The following IMMP2L variants were observed in gnomAD, a reference collection of about 807,000 sequenced individuals.
IMMP2L encodes the protein mitochondrial inner membrane protease subunit 2.
In IMMP2L, 18 loss-of-function variants were observed where a neutral mutation model predicts 19.3. The observed-to-expected ratio is 0.93, with a 90% CI of 0.64 to 1.38. IMMP2L has a LOEUF of 1.38. Among genes scored for constraint, IMMP2L ranks in the 40% most tolerant of loss-of-function variants. IMMP2L has a pLI of 0.00. For synonymous variants in IMMP2L, 76 were observed against 73.0 expected, an observed-to-expected ratio of 1.04 and a Z score of -0.21; for missense variants, 233 against 218.2, an observed-to-expected ratio of 1.07 and a Z score of -0.43.
chr7:111,029,392 T>C (rs985519988), intron 3 of IMMP2L, among the ~76,000 whole-genome samples: 5 of 152,148 alleles, frequency 3.3e-5, no homozygotes, highest in South Asian at 2.1e-4. Flanking sequence ...TCTCTCCATA[T>C]TGGAGGTGAA....
intron 3 of IMMP2L, among the ~76,000 whole-genome samples, chr7:111,083,972 T>G (rs914293486): frequency 1.5e-4 from 23 of 151,950 alleles, no homozygotes; most frequent in African/African-American, 4.8e-4. Context: ...ATAATTGAAC[T>G]GAGGAATGAA....
intron 5 of IMMP2L, among the ~76,000 whole-genome samples, chr7:110,875,745 A>C (rs1168119913): frequency 1.3e-5 from 2 of 152,140 alleles, no homozygotes; most frequent in Non-Finnish European, 2.9e-5. Context: ...TCAACTGTAA[A>C]TAAAATCACT....
chr7:110,807,962 C>T (rs1801743929), intron 5 of IMMP2L, among the ~76,000 whole-genome samples: 1 of 151,892 alleles, frequency 6.6e-6, no homozygotes. Flanking sequence ...CTACACACAG[C>T]CTGAAGGTTT....
intron 4 of IMMP2L, among the ~76,000 whole-genome samples, chr7:110,904,693 C>T (rs1206843576): frequency 1.3e-5 from 2 of 152,168 alleles, no homozygotes; most frequent in Admixed American, 1.3e-4. Flanking sequence ...TCAACTCATC[C>T]CCTTGTTTTA....
intron 5 of IMMP2L, among the ~76,000 whole-genome samples, chr7:110,768,045 G>A (rs1325842030): frequency 1.3e-5 from 2 of 152,124 alleles, no homozygotes; most frequent in African/African-American, 4.8e-5. Flanking sequence ...ATACAGAAAA[G>A]TAGAAAACAG....
chr7:110,786,189 T>A (rs1800065846), intron 5 of IMMP2L, among the ~76,000 whole-genome samples: 1 of 151,994 alleles, frequency 6.6e-6, no homozygotes, highest in Non-Finnish European at 1.5e-5. Flanking sequence ...TAGTCTAATG[T>A]TCCCAGAATT....
chr7:111,537,638 C>T (rs1848015080), intron 1 of IMMP2L, among the ~76,000 whole-genome samples: 1 of 147,880 alleles, frequency 6.8e-6, no homozygotes, highest in African/African-American at 2.5e-5. Flanking sequence ...CAGGCACAAG[C>T]AATCCTCCCA....
At chr7:110,808,518 G>A (rs1333256807) in intron 5 of IMMP2L, among the ~76,000 whole-genome samples, 1 of 152,000 alleles carries the variant, frequency 6.6e-6, no homozygotes, top group East Asian at 1.9e-4. Context: ...AAAACATATG[G>A]CACAAGATCC....
chr7:110,921,322 A>G (rs1814250442), intron 4 of IMMP2L, among the ~76,000 whole-genome samples: 1 of 152,166 alleles, frequency 6.6e-6, no homozygotes, highest in Admixed American at 6.6e-5. Flanking sequence ...GAGGTTTCTC[A>G]AGACAGTGGC....
At chr7:111,484,390 C>A (rs998255845) in intron 3 of IMMP2L, among the ~76,000 whole-genome samples, 3 of 152,088 alleles carry the variant, frequency 2.0e-5, no homozygotes, top group African/African-American at 7.2e-5. Context: ...ATTCTGAATA[C>A]ATTGTCTCAA....
Position 111,450,211 on chromosome 7 carries a change from T to C in IMMP2L, c.239+37027A>G, listed in dbSNP as rs578114090. On this transcript the variant is annotated intron_variant, in intron 3 of 5. Coordinates refer to ENST00000405709, the MANE Select transcript of IMMP2L (RefSeq NM_032549.4). Reference sequence around the variant, plus strand: ...TCTTCACAGAATTGGAAAAAACTACTTTAAAGTTCATATGGAACCAAAAAA... The same window carrying C: ...TCTTCACAGAATTGGAAAAAACTACCTTAAAGTTCATATGGAACCAAAAAA... Among the ~76,000 whole-genome samples the C allele has an allele frequency of 3.0e-3, 456 of 150,682 alleles. 2 individuals are homozygous for C. The highest frequency in any genetic ancestry group is 0.011 in the African/African-American group (435 of 40,398).
chr7:111,359,582 G>C (rs946665747), intron 3 of IMMP2L, among the ~76,000 whole-genome samples: 1 of 151,952 alleles, frequency 6.6e-6, no homozygotes, highest in African/African-American at 2.4e-5. Context: ...AATTACAGAC[G>C]TAAGTCACCG....
intron 3 of IMMP2L, among the ~76,000 whole-genome samples, chr7:111,439,726 C>A (rs1837533526): frequency 6.6e-6 from 1 of 151,826 alleles, no homozygotes; most frequent in Admixed American, 6.6e-5. Flanking sequence ...TTTCTTAAAA[C>A]AAGACAATGA....
chr7:111,174,395 T>C (rs1452984895), intron 3 of IMMP2L, among the ~76,000 whole-genome samples: 1 of 151,654 alleles, frequency 6.6e-6, no homozygotes, highest in Non-Finnish European at 1.5e-5. Flanking sequence ...CATATTACCA[T>C]ACATACACAC....
chr7:110,974,974 T>C (rs1266361443), intron 3 of IMMP2L, among the ~76,000 whole-genome samples: 1 of 152,112 alleles, frequency 6.6e-6, no homozygotes, highest in Non-Finnish European at 1.5e-5. Context: ...TTTAAAAATA[T>C]AAATGCAATG....
At chr7:111,434,456 A>G (rs1277212940) in intron 3 of IMMP2L, among the ~76,000 whole-genome samples, 2 of 110,946 alleles carry the variant, frequency 1.8e-5, no homozygotes, top group East Asian at 2.0e-4. Context: ...TTTCCACAAG[A>G]AAAAAAAAAA....
chr7:110,873,931 G>A (rs898900345), intron 5 of IMMP2L, among the ~76,000 whole-genome samples: 3 of 152,040 alleles, frequency 2.0e-5, no homozygotes, highest in Admixed American at 2.0e-4. Context: ...CTTAAGGAGG[G>A]GCTACTACTT....
At chr7:111,437,340 G>A (rs1837277635) in intron 3 of IMMP2L, among the ~76,000 whole-genome samples, 1 of 151,692 alleles carries the variant, frequency 6.6e-6, no homozygotes, top group African/African-American at 2.4e-5. Context: ...AGCTACTCAG[G>A]AGGCTGAGGC....
chr7:110,886,286 T>C (rs1350366119), intron 5 of IMMP2L, among the ~76,000 whole-genome samples: 1 of 152,048 alleles, frequency 6.6e-6, no homozygotes, highest in Non-Finnish European at 1.5e-5. Context: ...CTACAAAGTA[T>C]TCCCGTGGGA....
Sources: allele counts gnomAD v4.1 joint callset (sites outside exome capture counted in the v4.1 genomes callset), GRCh38; gene constraint gnomAD v4.1.1; transcripts MANE v1.5; gene names NCBI Gene and HGNC (gene_info 2026-07-23, HGNC 2026-07-21).